The following ROBO1 variants were observed in gnomAD, a reference collection of about 807,000 sequenced individuals.
ROBO1 encodes the protein roundabout homolog 1.
Under a neutral mutation model 195.9 loss-of-function variants are expected in ROBO1, and 149 were observed. That is an observed-to-expected ratio of 0.76 (90% CI 0.67 to 0.87). The LOEUF is 0.87. ROBO1 is among the 40% of genes least tolerant of loss of function. ROBO1 has a pLI of 0.00. For missense variants in ROBO1, 1,933 were observed against 2,068.3 expected, an observed-to-expected ratio of 0.93 and a Z score of 1.27; for synonymous variants, 816 against 733.2, an observed-to-expected ratio of 1.11 and a Z score of -1.82.
In ROBO1 at chr3:78,992,679, C is replaced by T. The variant is rs149292248; in HGVS notation, c.173-53752G>A. ...CCACTGTTTAAACAGAATACAAATACCCTTGGAGTTGTGGCCTGTGTCAAC... is the reference window on the plus strand; with the variant it reads ...CCACTGTTTAAACAGAATACAAATATCCTTGGAGTTGTGGCCTGTGTCAAC... On this transcript the variant is annotated intron_variant, in intron 3 of 30. Transcript: ENST00000464233. Among the ~76,000 whole-genome samples the T allele has an allele frequency of 3.8e-3, 572 of 152,226 alleles. 10 individuals carry two copies. The highest frequency in any genetic ancestry group is 2.9e-3 in the East Asian group (15 of 5,172).
At chr3:79,154,281 C>T (rs548019827) in intron 2 of ROBO1, among the ~76,000 whole-genome samples, 2 of 151,852 alleles carry the variant, frequency 1.3e-5, no homozygotes, top group South Asian at 2.1e-4. Context: ...TTCCATCACA[C>T]GATACCATCA....
chr3:78,678,017 A>G (rs1262484496), intron 10 of ROBO1, among the ~76,000 whole-genome samples: 1 of 152,112 alleles, frequency 6.6e-6, no homozygotes, highest in Non-Finnish European at 1.5e-5. Flanking sequence ...AGGATTAAGA[A>G]ACTCACTCAA....
At chr3:78,757,433 G>GCACACACA (rs34283910) in intron 4 of ROBO1, among the ~76,000 whole-genome samples, 6 of 149,764 alleles carry the variant, frequency 4.0e-5, no homozygotes, top group Admixed American at 6.7e-5. Flanking sequence ...ATGCGCACAT[G>GCACACACA]CACACACACA....
At position 78,614,685 on chromosome 3, in the gene ROBO1, G is replaced by A; in HGVS notation, c.4398C>T (p.His1466=). Residue 1466 remains histidine (H), a synonymous_variant, in exon 28 of 31, where the codon CAC becomes CAT. Coordinates refer to ENST00000464233, the MANE Select transcript of ROBO1 (RefSeq NM_002941.4). ...TTTCTCTGCGCAGATGTCCTGGCTG[G>A]TGTTTCAGTTTCTTGGCTGGTCTGG... ...QKTRPAKKLK[H]QPGHLRRETY... 6.2e-7 allele frequency: 1 copy of A among 1,613,714 alleles called. No individual in the cohort carries two copies. Among genetic ancestry groups the A allele is most frequent in the Non-Finnish European group, 8.5e-7 (1 of 1,179,812 alleles).
intron 3 of ROBO1, among the ~76,000 whole-genome samples, chr3:79,087,283 T>C (rs2079388430): frequency 6.6e-6 from 1 of 152,130 alleles, no homozygotes; most frequent in Admixed American, 6.6e-5. Context: ...TTATAATGTC[T>C]TGATATAAAC....
At chr3:78,645,842 ATCT>A (rs1706244295) in intron 21 of ROBO1, among the ~76,000 whole-genome samples, 1 of 152,082 alleles carries the variant, frequency 6.6e-6, no homozygotes, top group Non-Finnish European at 1.5e-5. Context: ...GTATTTGTTA[ATCT>A]TCATAAATGC....
chr3:78,655,043 C>T (rs1045901152), intron 18 of ROBO1, among the ~76,000 whole-genome samples: 5 of 152,150 alleles, frequency 3.3e-5, no homozygotes, highest in Non-Finnish European at 5.9e-5. Context: ...TATTTTCTTA[C>T]AGTTTCTTGT....
At chr3:78,745,328 T>C (rs2082632233) in intron 5 of ROBO1, among the ~76,000 whole-genome samples, 1 of 146,948 alleles carries the variant, frequency 6.8e-6, no homozygotes, top group Non-Finnish European at 1.5e-5. Flanking sequence ...AAAAAAAAGA[T>C]TTTTGTCACT....
At chr3:79,520,007 A>G (rs1941139248) in intron 2 of ROBO1, among the ~76,000 whole-genome samples, 1 of 151,980 alleles carries the variant, frequency 6.6e-6, no homozygotes, top group Admixed American at 6.6e-5. Context: ...AAAAATTTTA[A>G]AAAAGAAAAA....
intron 3 of ROBO1, among the ~76,000 whole-genome samples, chr3:79,078,902 C>T (rs1347625309): frequency 6.6e-6 from 1 of 151,646 alleles, no homozygotes; most frequent in Non-Finnish European, 1.5e-5. Flanking sequence ...ACATTTTGCC[C>T]TCTCATATTG....
At chr3:79,035,526 C>G (rs1382220040) in intron 3 of ROBO1, among the ~76,000 whole-genome samples, 1 of 152,094 alleles carries the variant, frequency 6.6e-6, no homozygotes, top group Admixed American at 6.5e-5. Context: ...TCAAGACCAG[C>G]CTGAGCAACA....
chr3:79,699,989 C>A (rs1431176479), intron 1 of ROBO1, among the ~76,000 whole-genome samples: 1 of 151,612 alleles, frequency 6.6e-6, no homozygotes, highest in East Asian at 1.9e-4. Context: ...CTCCTCCCTC[C>A]CTTCTCTCTC....
At chr3:79,255,852 T>C (rs1305312537) in intron 2 of ROBO1, among the ~76,000 whole-genome samples, 2 of 152,112 alleles carry the variant, frequency 1.3e-5, no homozygotes, top group East Asian at 3.9e-4. Flanking sequence ...TCCCCATAAG[T>C]GAGGTAACAT....
intron 4 of ROBO1, among the ~76,000 whole-genome samples, chr3:78,900,565 T>A (rs2037522631): frequency 6.6e-6 from 1 of 152,152 alleles, no homozygotes; most frequent in Admixed American, 6.6e-5. Flanking sequence ...AATTAATTGG[T>A]CTTAGATTTA....
intron 1 of ROBO1, among the ~76,000 whole-genome samples, chr3:79,706,623 T>C (rs542612480): frequency 3.9e-5 from 6 of 152,080 alleles, no homozygotes; most frequent in South Asian, 2.1e-4. Context: ...GTTCTCATGA[T>C]AGTAAACAAG....
intron 2 of ROBO1, among the ~76,000 whole-genome samples, chr3:79,514,550 A>G (rs754380482): frequency 6.6e-6 from 1 of 151,892 alleles, no homozygotes; most frequent in Non-Finnish European, 1.5e-5. Flanking sequence ...AATAATCTGT[A>G]CTGGTCCTTG....
At chr3:79,604,344 C>T (rs950067342) in intron 1 of ROBO1, among the ~76,000 whole-genome samples, 2 of 151,982 alleles carry the variant, frequency 1.3e-5, no homozygotes, top group Non-Finnish European at 2.9e-5. Context: ...GCTTCCACAT[C>T]TGCATACTAA....
intron 18 of ROBO1, among the ~76,000 whole-genome samples, chr3:78,655,555 C>T (rs1321183717): frequency 2.6e-5 from 4 of 152,092 alleles, no homozygotes; most frequent in Non-Finnish European, 5.9e-5. Flanking sequence ...CTTTGGTAGA[C>T]GTTATTGTCT....
chr3:79,047,062 G>T (rs566534743), intron 3 of ROBO1, among the ~76,000 whole-genome samples: 119 of 152,240 alleles, frequency 7.8e-4, no homozygotes, highest in African/African-American at 2.8e-3. Context: ...GAAGAATGGT[G>T]AGTATAATGG....
Sources: allele counts gnomAD v4.1 joint callset (sites outside exome capture counted in the v4.1 genomes callset), GRCh38; gene constraint gnomAD v4.1.1; transcripts MANE v1.5; gene names NCBI Gene and HGNC (gene_info 2026-07-23, HGNC 2026-07-21).